Variants in LDHA observed in about 807,000 individuals in gnomAD.
LDHA encodes the protein lactate dehydrogenase A, also known as L-lactate dehydrogenase A chain.
LDHA carries 10 observed loss-of-function variants against 36.3 expected under a neutral mutation model. The observed-to-expected ratio is 0.28, with a 90% CI of 0.17 to 0.47. The LOEUF is 0.47. Ranked by LOEUF, LDHA falls within the 20% of genes least tolerant of loss-of-function variation. The pLI is 0.99. For missense variants in LDHA, 267 were observed against 405.8 expected, an observed-to-expected ratio of 0.66 and a Z score of 2.94; for synonymous variants, 110 against 136.7, an observed-to-expected ratio of 0.80 and a Z score of 1.36.
chr11:18,396,206 T>A (rs1436389628), intron 1 of LDHA: 1 of 258,628 alleles, frequency 3.9e-6, no homozygotes, highest in Non-Finnish European at 7.3e-6. Context: ...GGCTTCGCCC[T>A]GCGCGCTGTA....
At chr11:18,403,440 AT>A (rs1866570259) in intron 5 of LDHA, among the ~76,000 whole-genome samples, 1 of 152,190 alleles carries the variant, frequency 6.6e-6, no homozygotes, top group Non-Finnish European at 1.5e-5. Context: ...CTATCTTTAT[AT>A]TTCAAATATA....
At chr11:18,405,768 A>C in intron 7 of LDHA, 196 bp downstream of exon 7, 1 of 578,130 alleles carries the variant, frequency 1.7e-6, no homozygotes, top group Non-Finnish European at 3.0e-6. Flanking sequence ...CAACACATAG[A>C]TACTTGATAA....
At position 18,408,037 on chromosome 11, in the gene LDHA, A is replaced by G. The variant is rs763799905; in HGVS notation, c.*756A>G. 22 of 453,968 alleles carry G rather than the reference A, an allele frequency of 4.8e-5. No individual in the cohort carries two copies. The highest frequency in any genetic ancestry group is 9.7e-5 in the Non-Finnish European group (22 of 226,800). 28.1% of individuals were successfully genotyped at this position (453,968 alleles called of 1,614,324 possible). A position where few individuals can be genotyped will look rare whatever the true frequency, so the allele number is the denominator to read the frequency against. On this transcript the variant is annotated 3_prime_UTR_variant, in exon 8 of 8. Transcript: ENST00000422447. ...TGGTACCACTTCCATTGTAAGTCCC[A>G]AAGTATTATATATTTGATAATAATG...
rs1414675146 is a variant in LDHA, at chr11:18,408,263, G to A, written c.*982G>A. ...AATCCCAGCACTTTGGGAAGCCCAG[G>A]TGGGCTGATCACTGGAGGCCAGGAA... On this transcript the variant is annotated 3_prime_UTR_variant, in exon 8 of 8. Coordinates refer to ENST00000422447, the MANE Select transcript of LDHA (RefSeq NM_005566.4). The A allele has an allele frequency of 2.2e-6, 1 of 452,692 alleles. No homozygotes were observed. Among genetic ancestry groups the A allele is most frequent in the Non-Finnish European group, 4.4e-6 (1 of 226,182 alleles). 28.0% of individuals were successfully genotyped at this position (452,692 alleles called of 1,614,324 possible).
rs1482251468 is a variant in LDHA, at chr11:18,394,576, T to C, written c.-85T>C. The C allele has an allele frequency of 1.1e-5, 5 of 453,988 alleles. No individual in the cohort carries two copies. Among genetic ancestry groups the C allele is most frequent in the Admixed American group, 7.0e-5 (3 of 42,556 alleles). The allele number at this position is 453,988 out of a possible 1,614,324, so 28.1% of individuals were successfully genotyped here. A position where few individuals can be genotyped will look rare whatever the true frequency, so the allele number is the denominator to read the frequency against. On this transcript the variant is annotated 5_prime_UTR_variant, in exon 1 of 8. Coordinates refer to ENST00000422447, the MANE Select transcript of LDHA (RefSeq NM_005566.4). ...GCCCAGCTCAGAGTGCTGCAGCCGC[T>C]GCCGCCGATTCCGGATCTCATTGCC... is the stretch of plus-strand genomic sequence containing the variant.
chr11:18,400,900 G>T lies in LDHA; in HGVS notation c.308G>T (p.Gly103Val). 1 of 1,613,468 alleles carries T rather than the reference G, an allele frequency of 6.2e-7. No homozygotes were observed. The highest frequency in any genetic ancestry group is 8.5e-7 in the Non-Finnish European group (1 of 1,179,634). ...ACGGCTGGGGCACGTCAGCAAGAGG[G>T]AGAAAGCCGTCTTAATTTGGTCCAG... is the stretch of plus-strand genomic sequence containing the variant. ...IITAGARQQEGESRLNLVQRN... is the reference protein window; with the variant it reads ...IITAGARQQEVESRLNLVQRN... Residue 103 changes from glycine to valine, a missense_variant, in exon 4 of 8, where the codon GGA becomes GTA. Physicochemically the swap from Gly to Val is moderately radical, Grantham distance 109. Transcript: ENST00000422447.
At position 18,408,232 on chromosome 11, in the gene LDHA, G is replaced by T. The variant is rs1472422888; in HGVS notation, c.*951G>T. On this transcript the variant is annotated 3_prime_UTR_variant, in exon 8 of 8. Coordinates refer to ENST00000422447, the MANE Select transcript of LDHA (RefSeq NM_005566.4). ...CTTAAGGCAGGGTGCAGTGGCTCAT[G>T]CCTATAATCCCAGCACTTTGGGAAG... 1 of 453,944 alleles carries T rather than the reference G, an allele frequency of 2.2e-6. No homozygotes were observed. Among genetic ancestry groups the T allele is most frequent in the Admixed American group, 2.4e-5 (1 of 42,542 alleles). The allele number at this position is 453,944 out of a possible 1,614,324, so 28.1% of individuals were successfully genotyped here. A position where few individuals can be genotyped will look rare whatever the true frequency, so the allele number is the denominator to read the frequency against.
At chr11:18,406,211 G>A (rs1261567303) in intron 7 of LDHA, among the ~76,000 whole-genome samples, 2 of 151,896 alleles carry the variant, frequency 1.3e-5, no homozygotes, top group Non-Finnish European at 2.9e-5. Context: ...TGATCCACCC[G>A]CCTCGGCCTC....
At chr11:18,400,426 CCACCACACACACACACACACACACACACA>C in intron 3 of LDHA, 5 of 238,970 alleles carry the variant, frequency 2.1e-5, no homozygotes, top group South Asian at 3.3e-5. Flanking sequence ...CCTACCACCA[CCACCACACACACACACACACACACACACA>C]CACACACACA....
At chr11:18,396,690 C>T (rs1866317092) in intron 1 of LDHA, 129 bp from the exon 2 acceptor site, 1 of 1,354,682 alleles carries the variant, frequency 7.4e-7, no homozygotes, top group East Asian at 2.4e-5. Flanking sequence ...TTTTCCCCTC[C>T]CTTTTTAGTC....
chr11:18,395,264 A>G (rs1019886745), intron 1 of LDHA: 1 of 155,312 alleles, frequency 6.4e-6, no homozygotes, highest in African/African-American at 2.4e-5. Context: ...GCCCTTCCGC[A>G]CCTCAGACGG....
intron 3 of LDHA, 87 bp from the exon 4 acceptor site, chr11:18,400,750 G>A (rs1219103232): frequency 2.2e-6 from 2 of 925,722 alleles, no homozygotes; most frequent in Admixed American, 1.9e-5. Flanking sequence ...AGAAAGGTTT[G>A]TGGAGCATTT....
At chr11:18,404,001 G>A (rs1590215811) in intron 6 of LDHA, among the ~76,000 whole-genome samples, 190 bp downstream of exon 6, 2 of 152,120 alleles carry the variant, frequency 1.3e-5, no homozygotes, top group African/African-American at 4.8e-5. Flanking sequence ...CGCAATCTTG[G>A]CTCACTGCAA....
intron 2 of LDHA, among the ~76,000 whole-genome samples, chr11:18,398,246 C>G (rs551115681): frequency 6.6e-6 from 1 of 152,098 alleles, no homozygotes; most frequent in Non-Finnish European, 1.5e-5. Flanking sequence ...CTTTGAGTTG[C>G]AACTATAAGG....
intron 6 of LDHA, among the ~76,000 whole-genome samples, chr11:18,404,864 A>G (rs919443652): frequency 6.6e-6 from 1 of 152,038 alleles, no homozygotes; most frequent in Non-Finnish European, 1.5e-5. Flanking sequence ...TTGGTCAAGC[A>G]AGGCCCTCTT....
chr11:18,407,056 TGG>T (rs1866711383), intron 7 of LDHA, 59 bp from the exon 8 acceptor site: 1 of 1,329,412 alleles, frequency 7.5e-7, no homozygotes, highest in Non-Finnish European at 1.1e-6. Context: ...CTGTAAGTCT[TGG>T]GAAACCTGGG....
At chr11:18,402,289 T>G (rs1272930245) in intron 4 of LDHA, among the ~76,000 whole-genome samples, 2 of 151,950 alleles carry the variant, frequency 1.3e-5, no homozygotes, top group African/African-American at 2.4e-5. Flanking sequence ...ACAGTTTATT[T>G]TCATAAAACT....
intron 1 of LDHA, chr11:18,396,511 A>C (rs1481707660): frequency 8.2e-7 from 1 of 1,215,698 alleles, no homozygotes; most frequent in Non-Finnish European, 1.1e-6. Context: ...ATCTTGTCTG[A>C]GGAAAGGCCA....
intron 3 of LDHA, 47 bp downstream of exon 3, chr11:18,399,595 C>A (rs202101193): frequency 1.7e-4 from 229 of 1,373,562 alleles, no homozygotes; most frequent in Non-Finnish European, 2.2e-4. Context: ...GACTTAAATT[C>A]TTTTTCCAGA....
Sources: allele counts gnomAD v4.1 joint callset (sites outside exome capture counted in the v4.1 genomes callset), GRCh38; gene constraint gnomAD v4.1.1; transcripts MANE v1.5; gene names NCBI Gene and HGNC (gene_info 2026-07-23, HGNC 2026-07-21).